Variants in ASS1 observed in about 807,000 individuals in gnomAD.
ASS1 encodes argininosuccinate synthase.
In ASS1, 58 loss-of-function variants were observed where a neutral mutation model predicts 60.5. That is an observed-to-expected ratio of 0.96 (90% CI 0.78 to 1.19). ASS1 has a LOEUF of 1.19. Among genes scored for constraint, ASS1 ranks in the 50% most tolerant of loss-of-function variants. The pLI, the probability that ASS1 is intolerant of heterozygous loss-of-function variation, is 0.00. For synonymous variants in ASS1, 200 were observed against 206.9 expected (o/e 0.97, Z 0.29); for missense variants, 454 against 547.3 (o/e 0.83, Z 1.70).
chr9:130,491,374 G>A lies in ASS1; in HGVS notation c.970+1910G>A, dbSNP rs1039519853. Among the ~76,000 whole-genome samples, 7 of 152,150 alleles carry A rather than the reference G, an allele frequency of 4.6e-5. No homozygotes were observed. Among genetic ancestry groups the A allele is most frequent in the African/African-American group, 7.2e-5 (3 of 41,448 alleles). On this transcript the variant is annotated intron_variant, in intron 12 of 14. Transcript: ENST00000352480. This position sits in a 1 kb window ranked among gnomAD's most constrained non-coding sequence, Gnocchi z 5.3. ...CTGATCCCACCGTGGCCGCGGCCAC[G>A]GCTGCCACTTATCCTGCCATCTTGC... is the stretch of plus-strand genomic sequence containing the variant.
intron 3 of ASS1, among the ~76,000 whole-genome samples, chr9:130,456,872 G>A (rs1236494854): frequency 6.6e-6 from 1 of 151,774 alleles, no homozygotes; most frequent in Non-Finnish European, 1.5e-5. Flanking sequence ...GTTACAGTGA[G>A]CCAAGATTGC....
chr9:130,446,420 G>A (rs1181850787), intron 1 of ASS1, among the ~76,000 whole-genome samples: 2 of 152,224 alleles, frequency 1.3e-5, no homozygotes, highest in Non-Finnish European at 2.9e-5. Context: ...CAAGGCCTAG[G>A]GCGGGGAAGT....
intron 14 of ASS1, among the ~76,000 whole-genome samples, chr9:130,500,101 G>A (rs998469357): frequency 2.0e-5 from 3 of 152,258 alleles, no homozygotes; most frequent in Admixed American, 6.5e-5. Flanking sequence ...TGCAGTGAAG[G>A]TTCAATATGA....
At chr9:130,468,815 C>G (rs1845803734) in intron 6 of ASS1, among the ~76,000 whole-genome samples, 1 of 152,278 alleles carries the variant, frequency 6.6e-6, no homozygotes, top group South Asian at 2.1e-4. Flanking sequence ...TTTTTAAAGC[C>G]AGACTACAAG....
chr9:130,451,611 G>A (rs913516390), intron 1 of ASS1: 18 of 350,606 alleles, frequency 5.1e-5, no homozygotes, highest in Admixed American at 7.7e-5. Flanking sequence ...GGTGGGCGGC[G>A]GCACTGCGTG....
chr9:130,471,499 T>C lies in ASS1; in HGVS notation c.581T>C (p.Ile194Thr). ...CCCCTCCGCAGCTACGAGGCTGGAA[T>C]CCTGGAGAACCCCAAGGTAATCCCC... ...NLMHISYEAGILENPKNQAPP... is the reference protein window; with the variant it reads ...NLMHISYEAGTLENPKNQAPP... The change falls in exon 8 of 15, where the codon ATC becomes ACC. Residue 194 changes from isoleucine (I) to threonine (T), a missense_variant. Transcript: ENST00000352480. 1 of 1,614,132 alleles carries C rather than the reference T, an allele frequency of 6.2e-7. No homozygotes were observed. Among genetic ancestry groups the C allele is most frequent in the East Asian group, 2.2e-5 (1 of 44,876 alleles).
Position 130,501,234 on chromosome 9 carries a change from T to C in ASS1, c.*213T>C, listed in dbSNP as rs1360942795. On this transcript the variant is annotated 3_prime_UTR_variant, in exon 15 of 15. Transcript: ENST00000352480. ...GGGGGGCAGCTGCGGTGGGGAGCTA[T>C]AAAAATGACAATTAAAAGAGACACT... is the stretch of plus-strand genomic sequence containing the variant. 3 of 576,462 alleles carry C rather than the reference T, an allele frequency of 5.2e-6. No homozygotes were observed. Among genetic ancestry groups the C allele is most frequent in the Non-Finnish European group, 9.3e-6 (3 of 323,614 alleles). 35.7% of individuals were successfully genotyped at this position (576,462 alleles called of 1,614,324 possible). A position where few individuals can be genotyped will look rare whatever the true frequency, so the allele number is the denominator to read the frequency against.
rs56807719 is a variant in ASS1 at position 130,496,593 on chromosome 9, TAA to T, written c.1127+1593_1127+1594del. Among the ~76,000 whole-genome samples, 43 of 105,938 alleles carry T rather than the reference TAA, an allele frequency of 4.1e-4. 1 individual carries two copies. The highest frequency in any genetic ancestry group is 8.2e-4 in the African/African-American group (23 of 28,020). 69.5% of individuals were successfully genotyped at this position (105,938 alleles called of 152,430 possible). The stretch of plus-strand genomic sequence containing the variant: ...GTAACAAAGCTAGGCACTGTCTCTT[TAA>T]AAAAAAAAAAAAAAAAAAAAAAGGA... On this transcript the variant is annotated intron_variant, in intron 13 of 14. Coordinates refer to ENST00000352480, the MANE Select transcript of ASS1 (RefSeq NM_054012.4).
At chr9:130,451,958 G>A (rs1230829298) in intron 1 of ASS1, 3 of 623,274 alleles carry the variant, frequency 4.8e-6, no homozygotes, top group African/African-American at 1.8e-5. Flanking sequence ...AGGTCCAAGA[G>A]ATGCCTCTCC....
intron 13 of ASS1, among the ~76,000 whole-genome samples, chr9:130,495,955 G>A (rs556013480): frequency 6.6e-6 from 1 of 152,284 alleles, no homozygotes; most frequent in African/African-American, 2.4e-5. Context: ...GGTGTCATGA[G>A]TATGGGTTTC....
chr9:130,480,306 C>T (rs1345580479), intron 10 of ASS1, 79 bp from the exon 11 acceptor site: 1 of 1,535,392 alleles, frequency 6.5e-7, no homozygotes, highest in Non-Finnish European at 9.0e-7. Context: ...GCTGTGCCCA[C>T]CCTGGGACAG....
intron 1 of ASS1, chr9:130,451,963 C>T (rs1005306420): frequency 6.4e-6 from 4 of 629,778 alleles, no homozygotes; most frequent in East Asian, 6.5e-5. Context: ...CAAGAGATGC[C>T]TCTCCCCGAC....
rs1000718189 is a variant in ASS1 at position 130,482,438 on chromosome 9, C to T, written c.838+1989C>T. On this transcript the variant is annotated intron_variant, in intron 11 of 14. Transcript: ENST00000352480. ...ATCACCAGTCAATGCTGGCATTATC[C>T]TGTTGACTCCAGAGGTATCTCAGGG... Among the ~76,000 whole-genome samples the T allele has an allele frequency of 2.6e-4, 39 of 151,746 alleles. 1 individual carries two copies. Among genetic ancestry groups the T allele is most frequent in the Admixed American group, 2.6e-3 (39 of 15,228 alleles).
rs1845536976 is a variant in ASS1 at position 130,459,559 on chromosome 9, G to A, written c.363+970G>A. On this transcript the variant is annotated intron_variant, in intron 4 of 14. Transcript: ENST00000352480. This position sits in a 1 kb window ranked among gnomAD's most constrained non-coding sequence, Gnocchi z 4.6. ...CAATTCTCCTGCCTCAGCCTCCTGA[G>A]TAGCTGGGATTACAGGTGTGTACCC... Among the ~76,000 whole-genome samples the A allele has an allele frequency of 6.6e-6, 1 of 152,108 alleles. No individual in the cohort carries two copies. The highest frequency in any genetic ancestry group is 6.5e-5 in the Admixed American group (1 of 15,276).
chr9:130,487,268 T>C (rs532745467), intron 11 of ASS1, among the ~76,000 whole-genome samples: 2 of 152,346 alleles, frequency 1.3e-5, no homozygotes, highest in East Asian at 3.9e-4. Context: ...TTTCCGTGAT[T>C]CTAAGACTTA....
At chr9:130,482,230 G>T (rs1846189161) in intron 11 of ASS1, among the ~76,000 whole-genome samples, 1 of 151,984 alleles carries the variant, frequency 6.6e-6, no homozygotes, top group Admixed American at 6.6e-5. Context: ...GCAGGAACTG[G>T]TACACTGGAA....
At chr9:130,451,534 A>G (rs1182771245) in intron 1 of ASS1, 1 of 331,902 alleles carries the variant, frequency 3.0e-6, no homozygotes, top group Non-Finnish European at 5.9e-6. Context: ...TGAAGGTTCC[A>G]TGGGGTTGCA....
intron 1 of ASS1, among the ~76,000 whole-genome samples, chr9:130,448,953 G>A (rs530989533): frequency 1.3e-5 from 2 of 152,322 alleles, no homozygotes; most frequent in South Asian, 4.1e-4. Context: ...GGAACTAGTA[G>A]CATTGTTCTA....
intron 1 of ASS1, 81 bp from the exon 2 acceptor site, chr9:130,452,143 C>T (rs1172676664): frequency 1.7e-5 from 21 of 1,238,390 alleles, no homozygotes; most frequent in South Asian, 5.1e-5. Flanking sequence ...AGGCCAAGGT[C>T]GGGGCTGGGC....
Sources: allele counts gnomAD v4.1 joint callset (sites outside exome capture counted in the v4.1 genomes callset), GRCh38; gene constraint gnomAD v4.1.1; non-coding constraint Gnocchi (gnomAD v3.1); transcripts MANE v1.5; gene names NCBI Gene and HGNC (gene_info 2026-07-23, HGNC 2026-07-21).